The following CCDC186 variants were observed in gnomAD, a reference collection of about 807,000 sequenced individuals.
CCDC186 encodes the protein coiled-coil domain containing 186, also known as coiled-coil domain-containing protein 186.
CCDC186 carries 49 observed loss-of-function variants against 113.7 expected under a neutral mutation model. That is an observed-to-expected ratio of 0.43 (90% CI 0.34 to 0.55). The LOEUF (loss-of-function observed/expected upper bound fraction) is 0.55. Among genes scored for constraint, CCDC186 ranks in the 20% least tolerant of loss-of-function variants. The probability of loss-of-function intolerance (pLI) is 0.02; values close to 1 mark genes in which losing one functional copy is unlikely to be tolerated. For missense variants in CCDC186, 890 were observed against 1,011.1 expected, an observed-to-expected ratio of 0.88 and a Z score of 1.62; for synonymous variants, 355 against 345.8, an observed-to-expected ratio of 1.03 and a Z score of -0.30.
At chr10:114,132,338 G>C (rs1281277132) in intron 10 of CCDC186, among the ~76,000 whole-genome samples, 154 bp from the exon 11 acceptor site, 1 of 152,150 alleles carries the variant, frequency 6.6e-6, no homozygotes, top group Non-Finnish European at 1.5e-5. Context: ...CAGGAAATAA[G>C]AGCTGGAAAG....
At chr10:114,135,148 T>C (rs1419389015) in intron 9 of CCDC186, 93 bp from the exon 10 acceptor site, 5 of 1,245,604 alleles carry the variant, frequency 4.0e-6, no homozygotes, top group African/African-American at 1.6e-5. Flanking sequence ...ATCTAAAAAT[T>C]CTAAAGCACC....
intron 10 of CCDC186, 110 bp downstream of exon 10, chr10:114,134,802 CT>C: frequency 8.8e-7 from 1 of 1,130,436 alleles, no homozygotes; most frequent in South Asian, 1.4e-5. Context: ...AAAATTTCAG[CT>C]AGTAAAATTG....
chr10:114,149,709 AAAGGGAGG>A (rs1197638984), intron 4 of CCDC186, among the ~76,000 whole-genome samples: 5 of 141,622 alleles, frequency 3.5e-5, no homozygotes, highest in South Asian at 2.4e-4. Context: ...GAATGGAAGG[AAAGGGAGG>A]AAGGGAGGAA....
intron 3 of CCDC186, among the ~76,000 whole-genome samples, chr10:114,151,621 TCTCA>T (rs1347404735): frequency 1.3e-5 from 2 of 152,220 alleles, no homozygotes; most frequent in African/African-American, 4.8e-5. Context: ...ACTTGTGTTG[TCTCA>T]CTATGTCTCA....
rs762756069 is a variant in CCDC186, at chr10:114,144,611, G to A, written c.1107C>T (p.Gly369=). The A allele has an allele frequency of 1.7e-5, 27 of 1,605,686 alleles. No homozygotes were observed. In the Admixed American group the frequency reaches 3.4e-4, roughly 20 times the overall value. The change falls in exon 6 of 16, where the codon GGC becomes GGT. Residue 369 remains glycine, a synonymous_variant. Transcript: ENST00000369287. ...RLHQLYETKE[G]ETTRLIREID... is the part of the protein sequence containing the mutation. The stretch of plus-strand genomic sequence containing the variant: ...TTTCTCTGATGAGTCTAGTCGTTTC[G>A]CCTTCCTAAAATAATATCACTAGGT...
At chr10:114,140,645 C>T (rs2031438007) in intron 6 of CCDC186, among the ~76,000 whole-genome samples, 1 of 152,128 alleles carries the variant, frequency 6.6e-6, no homozygotes. Flanking sequence ...GAGTCACTAG[C>T]ATATAGTTTT....
At chr10:114,167,014 G>C (rs1223467184) in intron 1 of CCDC186, among the ~76,000 whole-genome samples, 1 of 143,524 alleles carries the variant, frequency 7.0e-6, no homozygotes, top group Non-Finnish European at 1.5e-5. Context: ...CTTGCAAGCT[G>C]GTTTTTTTTT....
chr10:114,163,375 C>T (rs753406376), intron 1 of CCDC186, 46 bp from the exon 2 acceptor site: 1 of 1,467,384 alleles, frequency 6.8e-7, no homozygotes, highest in Non-Finnish European at 9.1e-7. Context: ...TAAACCAAAA[C>T]CCCATACAAA....
intron 5 of CCDC186, among the ~76,000 whole-genome samples, chr10:114,145,212 A>G (rs1039740042): frequency 1.3e-5 from 2 of 152,180 alleles, no homozygotes; most frequent in African/African-American, 4.8e-5. Context: ...TTACACTACT[A>G]TATACATATT....
intron 1 of CCDC186, among the ~76,000 whole-genome samples, chr10:114,165,237 GCA>G (rs1236208339): frequency 1.3e-5 from 2 of 152,312 alleles, no homozygotes; most frequent in Non-Finnish European, 2.9e-5. Context: ...CCAAGCCAAA[GCA>G]CACACTAGTA....
chr10:114,135,510 A>T (rs2031230426), intron 9 of CCDC186, among the ~76,000 whole-genome samples: 1 of 152,186 alleles, frequency 6.6e-6, no homozygotes, highest in Admixed American at 6.5e-5. Flanking sequence ...TGGCCATTAA[A>T]ACTATCCATC....
intron 6 of CCDC186, among the ~76,000 whole-genome samples, chr10:114,139,453 C>A (rs1255732894): frequency 6.6e-6 from 1 of 151,854 alleles, no homozygotes; most frequent in Non-Finnish European, 1.5e-5. Context: ...ATCCCAGCTA[C>A]TCAGGAGGCT....
At chr10:114,140,943 C>T (rs772115458) in intron 6 of CCDC186, among the ~76,000 whole-genome samples, 36 of 151,798 alleles carry the variant, frequency 2.4e-4, no homozygotes, top group Non-Finnish European at 3.7e-4. Context: ...GCTGTGTTGC[C>T]CAGGCTGGAG....
chr10:114,150,600 A>C (rs1382644483), intron 4 of CCDC186, among the ~76,000 whole-genome samples: 3 of 152,270 alleles, frequency 2.0e-5, no homozygotes, highest in Admixed American at 6.5e-5. Context: ...TATTCCATAC[A>C]CTTTTTTATT....
intron 1 of CCDC186, among the ~76,000 whole-genome samples, chr10:114,168,836 G>A (rs556306451): frequency 2.6e-5 from 4 of 152,172 alleles, no homozygotes; most frequent in East Asian, 1.9e-4. Context: ...CTGTGCAGCA[G>A]GCAAGAACCT....
At chr10:114,131,859 T>C in intron 11 of CCDC186, 70 bp downstream of exon 11, 4 of 1,392,548 alleles carry the variant, frequency 2.9e-6, no homozygotes, top group Non-Finnish European at 3.8e-6. Context: ...TACTATTACT[T>C]TTATACTGTT....
In CCDC186 at chr10:114,170,105, G is replaced by C. The variant is rs183975619; in HGVS notation, c.-62+3910C>G. On this transcript the variant is annotated intron_variant, in intron 1 of 15. Coordinates refer to ENST00000369287, the MANE Select transcript of CCDC186 (RefSeq NM_018017.4). ...TTTTTAAAAACAGAATAATAGGATGGAAAAGAACTTGTGTATGAAACATGA... is the reference window on the plus strand; with the variant it reads ...TTTTTAAAAACAGAATAATAGGATGCAAAAGAACTTGTGTATGAAACATGA... 1.9e-4 allele frequency among the ~76,000 whole-genome samples: 29 copies of C among 152,194 alleles called. No homozygotes were observed. In the East Asian group the frequency reaches 5.4e-3, roughly 28 times the overall value.
Position 114,127,649 on chromosome 10 carries a change from A to G in CCDC186, c.2205T>C (p.Ser735=), listed in dbSNP as rs2030949585. 6.2e-7 allele frequency: 1 copy of G among 1,613,988 alleles called. No individual in the cohort carries two copies. Among genetic ancestry groups the G allele is most frequent in the Non-Finnish European group, 8.5e-7 (1 of 1,179,978 alleles). ...SSSGSLNARS[S]AEDRSPENTG... The stretch of plus-strand genomic sequence containing the variant: ...TATTTTCTGGAGATCGATCTTCTGC[A>G]CTGCTTCGAGCATTCAGGGACCCTG... Residue 735 remains serine (S), a synonymous_variant, in exon 14 of 16, where the codon AGT becomes AGC. Coordinates refer to ENST00000369287, the MANE Select transcript of CCDC186 (RefSeq NM_018017.4).
intron 1 of CCDC186, among the ~76,000 whole-genome samples, chr10:114,167,485 C>T (rs1288516394): frequency 6.6e-6 from 1 of 151,984 alleles, no homozygotes; most frequent in Non-Finnish European, 1.5e-5. Flanking sequence ...TAAGCTGAGT[C>T]CTCATGTAGG....
Sources: allele counts gnomAD v4.1 joint callset (sites outside exome capture counted in the v4.1 genomes callset), GRCh38; gene constraint gnomAD v4.1.1; transcripts MANE v1.5; gene names NCBI Gene and HGNC (gene_info 2026-07-23, HGNC 2026-07-21).